Variants in TAFA1 observed in about 807,000 individuals in gnomAD.
The protein encoded by TAFA1 is chemokine-like protein TAFA-1.
Under a neutral mutation model 18.5 loss-of-function variants are expected in TAFA1, and 4 were observed. The observed-to-expected ratio is 0.22, with a 90% CI of 0.11 to 0.49. TAFA1 has a LOEUF of 0.49. TAFA1 is among the 20% of genes least tolerant of loss of function. The probability of loss-of-function intolerance (pLI) is 0.98; values close to 1 mark genes in which losing one functional copy is unlikely to be tolerated. For synonymous variants in TAFA1, 56 were observed against 55.2 expected, an observed-to-expected ratio of 1.01 and a Z score of -0.06; for missense variants, 147 against 169.0, an observed-to-expected ratio of 0.87 and a Z score of 0.72.
At chr3:68,543,623 GC>G (rs1218312795) in intron 4 of TAFA1, among the ~76,000 whole-genome samples, 1 of 152,022 alleles carries the variant, frequency 6.6e-6, no homozygotes, top group African/African-American at 2.4e-5. Context: ...TCTACCTCTA[GC>G]CTCAGAACAC....
At chr3:68,175,283 A>G (rs2066109366) in intron 2 of TAFA1, among the ~76,000 whole-genome samples, 1 of 152,172 alleles carries the variant, frequency 6.6e-6, no homozygotes, top group Non-Finnish European at 1.5e-5. Context: ...TGCCTAGTGG[A>G]GCTGTGAGAA....
At chr3:68,284,154 ACT>A (rs1226724726) in intron 2 of TAFA1, among the ~76,000 whole-genome samples, 1 of 152,132 alleles carries the variant, frequency 6.6e-6, no homozygotes, top group African/African-American at 2.4e-5. Context: ...TTTCGTCCCT[ACT>A]ATCCTTAATT....
intron 2 of TAFA1, among the ~76,000 whole-genome samples, chr3:68,120,193 CTTTCTTTCTTTCTTT>C (rs2065376684): frequency 1.7e-5 from 1 of 58,822 alleles, no homozygotes; most frequent in Non-Finnish European, 3.4e-5. Flanking sequence ...TTCTTTCTTT[CTTTCTTTCTTTCTTT>C]CTTTCTTTCT....
intron 2 of TAFA1, among the ~76,000 whole-genome samples, chr3:68,310,280 A>T (rs1172824831): frequency 2.0e-5 from 3 of 152,184 alleles, no homozygotes; most frequent in Non-Finnish European, 2.9e-5. Flanking sequence ...GTTTTTGTTT[A>T]ATTTTTAGAA....
At position 68,417,396 on chromosome 3, in the gene TAFA1, A is replaced by G; in HGVS notation, c.235A>G (p.Arg79Gly). ...CLPGKVAGTT[R>G]NRPSCVDASI... ...ACCTGGAAAAGTGGCTGGAACAACA[A>G]GAAACCGGCCTTCTTGCGTCGATGG... The change falls in exon 3 of 5, where the codon AGA becomes GGA. Residue 79 changes from arginine to glycine, a missense_variant. Coordinates refer to ENST00000478136, the MANE Select transcript of TAFA1 (RefSeq NM_213609.4). 1 of 1,613,668 alleles carries G rather than the reference A, an allele frequency of 6.2e-7. No individual in the cohort carries two copies. The highest frequency in any genetic ancestry group is 8.5e-7 in the Non-Finnish European group (1 of 1,179,690).
chr3:68,142,646 C>A (rs2106904796), intron 2 of TAFA1, among the ~76,000 whole-genome samples: 1 of 152,316 alleles, frequency 6.6e-6, no homozygotes, highest in East Asian at 1.9e-4. Flanking sequence ...ACAGGGTGGG[C>A]TAAAGAAGTT....
intron 2 of TAFA1, among the ~76,000 whole-genome samples, chr3:68,388,804 C>A (rs189018067): frequency 6.6e-6 from 1 of 151,898 alleles, no homozygotes; most frequent in Admixed American, 6.6e-5. Flanking sequence ...CAGAAGGGAC[C>A]TTTTGGATGG....
At chr3:68,222,330 T>G (rs965127502) in intron 2 of TAFA1, among the ~76,000 whole-genome samples, 1 of 152,196 alleles carries the variant, frequency 6.6e-6, no homozygotes, top group Non-Finnish European at 1.5e-5. Flanking sequence ...TATTTCCTCC[T>G]CTGATATATC....
chr3:68,466,300 A>G (rs1291041763), intron 3 of TAFA1, among the ~76,000 whole-genome samples: 1 of 152,192 alleles, frequency 6.6e-6, no homozygotes, highest in Non-Finnish European at 1.5e-5. Flanking sequence ...CAAAAATGAA[A>G]TGGAGCAGAA....
At chr3:68,324,913 A>T (rs1191898748) in intron 2 of TAFA1, among the ~76,000 whole-genome samples, 1 of 152,212 alleles carries the variant, frequency 6.6e-6, no homozygotes, top group Non-Finnish European at 1.5e-5. Flanking sequence ...GTTATGGTCT[A>T]TGCTCAGACG....
chr3:68,228,253 T>C (rs2066828014), intron 2 of TAFA1, among the ~76,000 whole-genome samples: 1 of 152,180 alleles, frequency 6.6e-6, no homozygotes, highest in South Asian at 2.1e-4. Flanking sequence ...TGTTTATTAA[T>C]TTGTTTTAGA....
intron 2 of TAFA1, among the ~76,000 whole-genome samples, chr3:68,312,223 A>G (rs1037897248): frequency 2.0e-5 from 3 of 151,148 alleles, no homozygotes; most frequent in Admixed American, 6.6e-5. Context: ...CTGTGATAGG[A>G]GGGGCTGCCC....
chr3:68,108,463 CAT>C lies in TAFA1; in HGVS notation c.118+101720_118+101721del, dbSNP rs2065228651. On this transcript the variant is annotated intron_variant, in intron 2 of 4. Coordinates refer to ENST00000478136, the MANE Select transcript of TAFA1 (RefSeq NM_213609.4). ...GTGTGTGTGTGTGTGTGTGTGTGTG[CAT>C]GTGTGTGTGTGTATAAAGTAGTGAA... Among the ~76,000 whole-genome samples, 4 of 29,026 alleles carry C rather than the reference CAT, an allele frequency of 1.4e-4. No homozygotes were observed. The South Asian group carries it at 8.3e-3, about 60-fold the overall frequency. The allele number at this position is 29,026 out of a possible 152,430, so 19.0% of individuals were successfully genotyped here.
At chr3:68,180,012 T>TTTTTTATTATTATTATTATTATTA (rs1553649124) in intron 2 of TAFA1, among the ~76,000 whole-genome samples, 109 of 140,310 alleles carry the variant, frequency 7.8e-4, no homozygotes, top group African/African-American at 2.7e-3. Flanking sequence ...AACACATAAT[T>TTTTTTATTATTATTATTATTATTA]TTATTATTAT....
intron 3 of TAFA1, among the ~76,000 whole-genome samples, chr3:68,427,170 C>A (rs539031659): frequency 2.6e-5 from 4 of 151,940 alleles, no homozygotes; most frequent in Middle Eastern, 3.4e-3. Flanking sequence ...CCCAAAGTAG[C>A]CCCCAAGTCA....
chr3:68,060,204 T>TTGTG (rs56680758), intron 2 of TAFA1, among the ~76,000 whole-genome samples: 50,907 of 150,026 alleles, frequency 0.34, 9,136 homozygotes, highest in East Asian at 0.47. Flanking sequence ...GTGTGTGTGT[T>TTGTG]TGTGTGTGTG....
In TAFA1 at chr3:68,066,332, A is replaced by T. The variant is rs555572467; in HGVS notation, c.118+59588A>T. On this transcript the variant is annotated intron_variant, in intron 2 of 4. Transcript: ENST00000478136. ...ATAAGTTTATCTTTGGTCCAGTGCTATATTCCAGCTTCTAGAATGTGCTTG... is the reference window on the plus strand; with the variant it reads ...ATAAGTTTATCTTTGGTCCAGTGCTTTATTCCAGCTTCTAGAATGTGCTTG... 5.9e-5 allele frequency among the ~76,000 whole-genome samples: 9 copies of T among 152,314 alleles called. No homozygotes were observed. The South Asian group carries it at 1.9e-3, about 32-fold the overall frequency.
chr3:68,012,891 C>G (rs768866108), intron 2 of TAFA1, among the ~76,000 whole-genome samples: 1 of 152,148 alleles, frequency 6.6e-6, no homozygotes, highest in Non-Finnish European at 1.5e-5. Context: ...TCTGAAGATA[C>G]TCCTTGGACA....
intron 2 of TAFA1, among the ~76,000 whole-genome samples, chr3:68,213,300 A>T (rs1365445705): frequency 6.6e-6 from 1 of 152,114 alleles, no homozygotes; most frequent in African/African-American, 2.4e-5. Context: ...TTTAAGACAT[A>T]GCACCCAGAT....
Sources: gnomAD v4.1 joint callset for allele counts (sites outside exome capture counted in the v4.1 genomes callset) on GRCh38, gnomAD v4.1.1 for gene constraint, MANE v1.5 for transcripts, NCBI Gene and HGNC (gene_info 2026-07-23, HGNC 2026-07-21) for gene names.